The following C1R variants were observed in gnomAD, a reference collection of about 807,000 sequenced individuals.
The protein encoded by C1R is complement C1r.
A neutral mutation model predicts 27.6 loss-of-function variants in C1R; 15 were observed. That is an observed-to-expected ratio of 0.54 (90% CI 0.36 to 0.84). The LOEUF (loss-of-function observed/expected upper bound fraction) is 0.84. C1R is among the 40% of genes least tolerant of loss of function. C1R has a pLI of 0.01. For synonymous variants in C1R, 253 were observed against 228.8 expected, an observed-to-expected ratio of 1.11 and a Z score of -0.95; for missense variants, 544 against 577.9, an observed-to-expected ratio of 0.94 and a Z score of 0.60.
Position 7,085,940 on chromosome 12 carries a change from G to T in C1R, c.1194C>A (p.Tyr398Ter). The change falls in exon 9 of 11, where the codon TAC becomes TAA. Residue 398 changes from tyrosine (Y) to a stop codon, truncating the protein, a stop_gained. Coordinates refer to ENST00000647956, the MANE Select transcript of C1R (RefSeq NM_001733.7). LOFTEE classifies it high-confidence loss of function. ...RYTTTMGVNTYKARIQYYCHE... is the reference protein window; with the variant it reads ...RYTTTMGVNT ...GGCAGTAGTACTGGATACGGGCCTT[G>T]TAGGTGTTCACTCCCATTGTGGTGG... 1 of 398,660 alleles carries T rather than the reference G, an allele frequency of 2.5e-6. No individual in the cohort carries two copies. Among genetic ancestry groups the T allele is most frequent in the Non-Finnish European group, 4.4e-6 (1 of 226,086 alleles). 24.7% of individuals were successfully genotyped at this position (398,660 alleles called of 1,614,324 possible). A position where few individuals can be genotyped will look rare whatever the true frequency, so the allele number is the denominator to read the frequency against.
chr12:7,089,774 A>C, intron 3 of C1R, 41 bp from the exon 4 acceptor site: 1 of 773,170 alleles, frequency 1.3e-6, no homozygotes, highest in Non-Finnish European at 2.4e-6. Context: ...TTCTGCTGGG[A>C]GACCTGAGTA....
At chr12:7,090,449 T>C in intron 2 of C1R, 1 of 590,566 alleles carries the variant, frequency 1.7e-6, no homozygotes, top group Middle Eastern at 4.5e-4. Flanking sequence ...ACTGACTCAC[T>C]CTTTGCGTGT....
chr12:7,087,526 ATG>A (rs1209001201), intron 7 of C1R: 1 of 154,446 alleles, frequency 6.5e-6, no homozygotes, highest in Non-Finnish European at 1.5e-5. Flanking sequence ...AAATTCTATG[ATG>A]TGAATAACAA....
chr12:7,091,989 CT>C lies in C1R; in HGVS notation c.3-310del, dbSNP rs1938288759. The C allele has an allele frequency of 1.0e-5, 6 of 584,222 alleles. 1 individual carries two copies. Among genetic ancestry groups the C allele is most frequent in the Non-Finnish European group, 1.3e-5 (4 of 317,816 alleles). 36.2% of individuals were successfully genotyped at this position (584,222 alleles called of 1,614,324 possible). Reference sequence around the variant, plus strand: ...CCTCCCCTTCCAGGAATAGGACTGGCTTGGGACCAGTTAATGGAGGGTGAGG... The same window carrying C: ...CCTCCCCTTCCAGGAATAGGACTGGCTGGGACCAGTTAATGGAGGGTGAGG... On this transcript the variant is annotated intron_variant, in intron 1 of 10. Transcript: ENST00000647956. This position sits in a 1 kb window ranked among gnomAD's most constrained non-coding sequence, Gnocchi z 5.1.
Position 7,080,972 on chromosome 12 carries a change from G to A in C1R, c.1678C>T (p.Leu560=). 1 of 1,613,682 alleles carries A rather than the reference G, an allele frequency of 6.2e-7. No individual in the cohort carries two copies. Among genetic ancestry groups the A allele is most frequent in the African/African-American group, 1.3e-5 (1 of 75,036 alleles). The change falls in exon 11 of 11, where the codon CTG becomes TTG. Residue 560 remains leucine (L), a synonymous_variant. Transcript: ENST00000647956. The surrounding 1 kb of genome is among the most constrained non-coding windows in gnomAD (Gnocchi z 4.9). ...GTGACACTATTTTCCAGCTCCAGCA[G>A]GGCGATGTCCCCCTCAAAATTGTAG... ...ESYNFEGDIA[L]LELENSVTLG...
At chr12:7,089,949 C>G (rs985676031) in intron 3 of C1R, 107 bp downstream of exon 3, 1 of 699,414 alleles carries the variant, frequency 1.4e-6, no homozygotes, top group Admixed American at 2.1e-5. Context: ...AGGGGAGGAA[C>G]AAGGAAAGCC....
intron 7 of C1R, chr12:7,087,616 T>TA (rs1938175135): frequency 6.5e-6 from 1 of 154,406 alleles, no homozygotes; most frequent in African/African-American, 2.4e-5. Context: ...GTCTCCATTC[T>TA]TCTGGACCCA....
chr12:7,091,786 C>T lies in C1R; in HGVS notation c.3-106G>A, dbSNP rs117830039. On this transcript the variant is annotated intron_variant, in intron 1 of 10. Coordinates refer to ENST00000647956, the MANE Select transcript of C1R (RefSeq NM_001733.7). The surrounding 1 kb of genome is among the most constrained non-coding windows in gnomAD (Gnocchi z 5.1). The stretch of plus-strand genomic sequence containing the variant: ...AGACGGCCATACCACTGGGCATTCT[C>T]CTCTCTGCCCACCCTGAACCTCACA... 2.8e-6 allele frequency: 2 copies of T among 713,128 alleles called. No homozygotes were observed. Among genetic ancestry groups the T allele is most frequent in the African/African-American group, 1.7e-5 (1 of 57,242 alleles). The allele number at this position is 713,128 out of a possible 1,614,324, so 44.2% of individuals were successfully genotyped here. A position where few individuals can be genotyped will look rare whatever the true frequency, so the allele number is the denominator to read the frequency against.
chr12:7,083,225 GTGT>G (rs1938095440), intron 9 of C1R, among the ~76,000 whole-genome samples: 1 of 151,720 alleles, frequency 6.6e-6, no homozygotes, highest in African/African-American at 2.4e-5. Flanking sequence ...GGTGGTGATG[GTGT>G]TGTTAATGGT....
Position 7,089,196 on chromosome 12 carries a change from C to T in C1R, c.768+97G>A, listed in dbSNP as rs1938208460. 5 of 694,058 alleles carry T rather than the reference C, an allele frequency of 7.2e-6. No homozygotes were observed. In the South Asian group the frequency reaches 7.8e-5, roughly 11 times the overall value. 43.0% of individuals were successfully genotyped at this position (694,058 alleles called of 1,614,324 possible). On this transcript the variant is annotated intron_variant, in intron 5 of 10. Coordinates refer to ENST00000647956, the MANE Select transcript of C1R (RefSeq NM_001733.7). ...ATGGGTGATGTTGGCCGTTCCTGCC[C>T]CAGCTGGCCAGGGGATCCAGGAGGA...
chr12:7,089,808 A>G, intron 3 of C1R, 75 bp from the exon 4 acceptor site: 1 of 743,954 alleles, frequency 1.3e-6, no homozygotes, highest in Non-Finnish European at 2.5e-6. Flanking sequence ...TAGGGAGGTC[A>G]CTCACCAGAG....
Position 7,089,482 on chromosome 12 carries a change from GCA to G in C1R, c.577_578del (p.Cys193GlnfsTer24). 1 of 776,446 alleles carries G rather than the reference GCA, an allele frequency of 1.3e-6. No homozygotes were observed. The highest frequency in any genetic ancestry group is 2.4e-6 in the Non-Finnish European group (1 of 414,814). The allele number at this position is 776,446 out of a possible 1,614,324, so 48.1% of individuals were successfully genotyped here. ...QEDRHSCQAE[C>X]SSELYTEASG... Reference sequence around the variant, plus strand: ...ATGCCTCCGTGTACAGCTCGCTGCTGCACTCAGCTGTGAGAGCAGAGCCACAG... The same window carrying G: ...ATGCCTCCGTGTACAGCTCGCTGCTGCTCAGCTGTGAGAGCAGAGCCACAG... On this transcript the variant is annotated frameshift_variant, in exon 5 of 11. Transcript: ENST00000647956. LOFTEE classifies it high-confidence loss of function.
At chr12:7,089,892 G>T in intron 3 of C1R, 159 bp from the exon 4 acceptor site, 1 of 710,426 alleles carries the variant, frequency 1.4e-6, no homozygotes, top group Admixed American at 2.0e-5. Flanking sequence ...ACTGCTCCAT[G>T]GGGACAGAGC....
intron 2 of C1R, 57 bp from the exon 3 acceptor site, chr12:7,090,305 G>A: frequency 5.8e-6 from 4 of 685,360 alleles, no homozygotes; most frequent in Non-Finnish European, 8.1e-6. Context: ...GGCGCACGTG[G>A]TGGCTCAGTG....
At chr12:7,092,341 C>T (rs1938296654) in intron 1 of C1R, 46 bp downstream of exon 1, 2 of 780,802 alleles carry the variant, frequency 2.6e-6, no homozygotes, top group African/African-American at 3.4e-5. Context: ...CCTGGCTTCT[C>T]CCCTGGCTTC....
At chr12:7,090,355 C>T in intron 2 of C1R, 107 bp from the exon 3 acceptor site, 1 of 627,992 alleles carries the variant, frequency 1.6e-6, no homozygotes, top group Admixed American at 2.5e-5. Flanking sequence ...TCATGCACCA[C>T]AATGGCTCTG....
chr12:7,080,398 A>G lies in C1R; in HGVS notation c.*134T>C. Reference sequence around the variant, plus strand: ...GTACATCAATGGGACTACAGGAAAGAGAATTTCACACACGGTCTTTCTGCA... The same window carrying G: ...GTACATCAATGGGACTACAGGAAAGGGAATTTCACACACGGTCTTTCTGCA... On this transcript the variant is annotated 3_prime_UTR_variant, in exon 11 of 11. Coordinates refer to ENST00000647956, the MANE Select transcript of C1R (RefSeq NM_001733.7). The surrounding 1 kb of genome is among the most constrained non-coding windows in gnomAD (Gnocchi z 4.9). 7.0e-7 allele frequency: 1 copy of G among 1,422,002 alleles called. No homozygotes were observed. The highest frequency in any genetic ancestry group is 9.2e-7 in the Non-Finnish European group (1 of 1,090,258). 88.1% of individuals were successfully genotyped at this position (1,422,002 alleles called of 1,614,324 possible).
In C1R at chr12:7,091,917, C is replaced by T. The variant is rs1465585201; in HGVS notation, c.3-237G>A. ...CCAGTCCAGAGGCCACCACACTCCC[C>T]TCACACTCCCTTTCCAGCCTCCTCC... On this transcript the variant is annotated intron_variant, in intron 1 of 10. Coordinates refer to ENST00000647956, the MANE Select transcript of C1R (RefSeq NM_001733.7). The surrounding 1 kb of genome is among the most constrained non-coding windows in gnomAD (Gnocchi z 5.1). 1.5e-6 allele frequency: 1 copy of T among 671,322 alleles called. No homozygotes were observed. Among genetic ancestry groups the T allele is most frequent in the Non-Finnish European group, 2.7e-6 (1 of 366,028 alleles). The allele number at this position is 671,322 out of a possible 1,614,324, so 41.6% of individuals were successfully genotyped here. A position where few individuals can be genotyped will look rare whatever the true frequency, so the allele number is the denominator to read the frequency against.
At chr12:7,083,345 G>A (rs1938099234) in intron 9 of C1R, among the ~76,000 whole-genome samples, 1 of 152,072 alleles carries the variant, frequency 6.6e-6, no homozygotes, top group Non-Finnish European at 1.5e-5. Flanking sequence ...GGTGGTGATG[G>A]TGGTGTTGGT....
Sources: allele counts gnomAD v4.1 joint callset (sites outside exome capture counted in the v4.1 genomes callset), GRCh38; gene constraint gnomAD v4.1.1; non-coding constraint Gnocchi (gnomAD v3.1); transcripts MANE v1.5; gene names NCBI Gene and HGNC (gene_info 2026-07-23, HGNC 2026-07-21).